Variants in EYA2 observed in about 807,000 individuals in gnomAD.
The protein encoded by EYA2 is EYA transcriptional coactivator and phosphatase 2, also known as protein phosphatase EYA2.
In EYA2, 31 loss-of-function variants were observed where a neutral mutation model predicts 69.2. The observed-to-expected ratio is 0.45, with a 90% confidence interval of 0.34 to 0.60. The LOEUF (loss-of-function observed/expected upper bound fraction) is 0.60. Among genes scored for constraint, EYA2 ranks in the 20% least tolerant of loss-of-function variants. The pLI is 0.02. For missense variants in EYA2, 622 were observed against 701.2 expected (o/e 0.89, Z 1.28); for synonymous variants, 257 against 279.4 (o/e 0.92, Z 0.80).
At chr20:47,093,779 A>G (rs540558726) in intron 8 of EYA2, among the ~76,000 whole-genome samples, 2 of 152,346 alleles carry the variant, frequency 1.3e-5, no homozygotes, top group South Asian at 2.1e-4. Context: ...CTGCAAGCCA[A>G]GTATGAACTA....
intron 10 of EYA2, among the ~76,000 whole-genome samples, chr20:47,143,420 A>G (rs1335171510): frequency 6.6e-6 from 1 of 152,098 alleles, no homozygotes; most frequent in Admixed American, 6.6e-5. Flanking sequence ...GTCCACTGGC[A>G]GTTTTACTAA....
At chr20:47,055,717 T>C (rs2030578926) in intron 5 of EYA2, among the ~76,000 whole-genome samples, 1 of 152,216 alleles carries the variant, frequency 6.6e-6, no homozygotes. Flanking sequence ...AACTGGCTCC[T>C]TCCTATGCAT....
intron 15 of EYA2, among the ~76,000 whole-genome samples, chr20:47,185,177 C>T (rs1329321622): frequency 2.6e-5 from 4 of 151,820 alleles, no homozygotes; most frequent in Non-Finnish European, 4.4e-5. Flanking sequence ...GTGATGAATC[C>T]ACTGGCACTC....
At chr20:47,145,770 G>A (rs1052399878) in intron 10 of EYA2, among the ~76,000 whole-genome samples, 10 of 151,884 alleles carry the variant, frequency 6.6e-5, no homozygotes, top group African/African-American at 2.2e-4. Context: ...GTGTGGTGGC[G>A]GGTGCCTGTA....
intron 9 of EYA2, among the ~76,000 whole-genome samples, chr20:47,098,478 G>A (rs189989916): frequency 1.4e-3 from 220 of 152,320 alleles, no homozygotes; most frequent in Non-Finnish European, 2.8e-3. Flanking sequence ...CCATAGCTCC[G>A]TGCAACAACT....
rs75257289 is a variant in EYA2, at chr20:47,027,989, G to A, written c.415+11692G>A. 9.9e-3 allele frequency among the ~76,000 whole-genome samples: 1,510 copies of A among 152,312 alleles called. 18 individuals are homozygous for A. Among genetic ancestry groups the A allele is most frequent in the African/African-American group, 0.032 (1,348 of 41,562 alleles). On this transcript the variant is annotated intron_variant, in intron 5 of 15. Coordinates refer to ENST00000327619, the MANE Select transcript of EYA2 (RefSeq NM_005244.5). The stretch of plus-strand genomic sequence containing the variant: ...ATATGTTGAAGCTGTTACCTCCAAT[G>A]TGATGGGTTTTGGTGATGAGGCCTT...
At chr20:47,058,094 T>G (rs1006220022) in intron 5 of EYA2, among the ~76,000 whole-genome samples, 10 of 135,398 alleles carry the variant, frequency 7.4e-5, no homozygotes, top group African/African-American at 2.9e-4. Context: ...TGGATTAAGT[T>G]AATACCGGGT....
chr20:46,973,789 GAGA>G (rs1194685183), intron 1 of EYA2, among the ~76,000 whole-genome samples: 3 of 144,436 alleles, frequency 2.1e-5, no homozygotes, highest in African/African-American at 5.0e-5. Flanking sequence ...CTGACCAAAA[GAGA>G]AGGAGGAAAA....
chr20:47,166,475 T>C (rs1023333731), intron 10 of EYA2, among the ~76,000 whole-genome samples: 2 of 132,070 alleles, frequency 1.5e-5, no homozygotes, highest in African/African-American at 5.6e-5. Context: ...CTGTTCAAAA[T>C]GTTGCAAATA....
intron 5 of EYA2, among the ~76,000 whole-genome samples, chr20:47,038,721 A>T (rs1984857599): frequency 6.6e-6 from 1 of 152,202 alleles, no homozygotes; most frequent in Non-Finnish European, 1.5e-5. Context: ...GAACTTTTCC[A>T]TCTTGCCAAA....
In EYA2 at chr20:47,080,192, G is replaced by A. The variant is rs1389873570; in HGVS notation, c.661+5857G>A. On this transcript the variant is annotated intron_variant, in intron 7 of 15. Transcript: ENST00000327619. The stretch of plus-strand genomic sequence containing the variant: ...AGAAATAAATTTCAGAAAGATTTTT[G>A]GGAAGTTCCCAAATCTTCAGAATCT... 2.0e-5 allele frequency among the ~76,000 whole-genome samples: 3 copies of A among 152,006 alleles called. No homozygotes were observed. In the South Asian group the frequency reaches 6.2e-4, roughly 32 times the overall value.
At chr20:47,094,668 A>G (rs1413236785) in intron 8 of EYA2, among the ~76,000 whole-genome samples, 1 of 152,240 alleles carries the variant, frequency 6.6e-6, no homozygotes, top group Non-Finnish European at 1.5e-5. Context: ...CTAGCTACAG[A>G]GTTAGTCAGG....
At chr20:46,919,284 C>T (rs954834280) in intron 1 of EYA2, among the ~76,000 whole-genome samples, 34 of 152,374 alleles carry the variant, frequency 2.2e-4, no homozygotes, top group African/African-American at 7.9e-4. Context: ...CCATTGACTT[C>T]TCCTCTCTAG....
intron 10 of EYA2, among the ~76,000 whole-genome samples, chr20:47,149,236 G>A (rs183918081): frequency 9.9e-5 from 15 of 152,120 alleles, no homozygotes; most frequent in Admixed American, 3.9e-4. Context: ...CATTTAGTTC[G>A]GGCATGAAAA....
chr20:46,931,625 C>T (rs891212708), intron 1 of EYA2, among the ~76,000 whole-genome samples: 1 of 152,174 alleles, frequency 6.6e-6, no homozygotes, highest in Admixed American at 6.5e-5. Flanking sequence ...GTCATTCTTA[C>T]GAGCAAGTTT....
chr20:46,989,766 G>T (rs546770361), intron 1 of EYA2, among the ~76,000 whole-genome samples: 1 of 152,332 alleles, frequency 6.6e-6, no homozygotes, highest in African/African-American at 2.4e-5. Context: ...CAGCAAGAAG[G>T]AGGGGAATGT....
chr20:47,086,752 A>T (rs1290926959), intron 7 of EYA2, among the ~76,000 whole-genome samples: 1 of 151,668 alleles, frequency 6.6e-6, no homozygotes, highest in Non-Finnish European at 1.5e-5. Flanking sequence ...ATCACTCCTC[A>T]TTCTCAAGAA....
intron 15 of EYA2, among the ~76,000 whole-genome samples, chr20:47,186,286 G>A (rs1041401202): frequency 6.6e-6 from 1 of 150,928 alleles, no homozygotes; most frequent in African/African-American, 2.4e-5. Context: ...TTTGCTCACT[G>A]AGGGATTCTC....
At chr20:47,078,911 G>A (rs371085845) in intron 7 of EYA2, among the ~76,000 whole-genome samples, 3 of 152,020 alleles carry the variant, frequency 2.0e-5, no homozygotes, top group African/African-American at 4.8e-5. Flanking sequence ...TCAACTATTC[G>A]ACATCTAAGA....
Sources: gnomAD v4.1 joint callset for allele counts (sites outside exome capture counted in the v4.1 genomes callset) on GRCh38, gnomAD v4.1.1 for gene constraint, MANE v1.5 for transcripts, NCBI Gene and HGNC (gene_info 2026-07-23, HGNC 2026-07-21) for gene names.